RALGAPA2: variants seen among roughly 807,000 people sequenced by gnomAD.
The protein encoded by RALGAPA2 is ral GTPase-activating protein subunit alpha-2.
A neutral mutation model predicts 230.4 loss-of-function variants in RALGAPA2; 139 were observed. The ratio of observed to expected loss-of-function variants is 0.60; its 90% CI spans 0.53 to 0.69. The LOEUF (loss-of-function observed/expected upper bound fraction) is 0.69, where lower values mean the gene tolerates loss of function less well. RALGAPA2 is among the 30% of genes least tolerant of loss of function. RALGAPA2 has a pLI of 0.00. For missense variants in RALGAPA2, 2,163 were observed against 2,276.0 expected (o/e 0.95, Z 1.01); for synonymous variants, 847 against 837.8 (o/e 1.01, Z -0.19).
intron 4 of RALGAPA2, among the ~76,000 whole-genome samples, chr20:20,653,016 C>T (rs2067457932): frequency 6.6e-6 from 1 of 151,488 alleles, no homozygotes. Flanking sequence ...CATGGTGAAA[C>T]CCCATCTCTA....
intron 23 of RALGAPA2, among the ~76,000 whole-genome samples, chr20:20,560,505 A>C (rs1217835639): frequency 6.6e-6 from 1 of 152,206 alleles, no homozygotes; most frequent in African/African-American, 2.4e-5. Context: ...TATTAAAAAG[A>C]AATCAACAGA....
chr20:20,608,918 T>C (rs1237442823), intron 14 of RALGAPA2, among the ~76,000 whole-genome samples: 4 of 152,148 alleles, frequency 2.6e-5, no homozygotes, highest in South Asian at 4.1e-4. Flanking sequence ...AGCCAGAGAG[T>C]AGCAGAGCTG....
intron 32 of RALGAPA2, among the ~76,000 whole-genome samples, chr20:20,512,242 C>CACACACACACAT (rs1556256088): frequency 6.0e-5 from 7 of 116,466 alleles, no homozygotes; most frequent in African/African-American, 2.3e-4. Context: ...CACACACATA[C>CACACACACACAT]ACACACACAC....
At position 20,398,978 on chromosome 20, in the gene RALGAPA2, G is replaced by T. The variant is rs1027731162; in HGVS notation, c.5618-2244C>A. The stretch of plus-strand genomic sequence containing the variant: ...TAAACAGATACACAGTGTTTCTGTG[G>T]TGTTTCAGGGGAGGGGACAAATTAG... On this transcript the variant is annotated intron_variant, in intron 38 of 39. Transcript: ENST00000202677. The surrounding 1 kb of genome is among the most constrained non-coding windows in gnomAD (Gnocchi z 4.5). Among the ~76,000 whole-genome samples, 1 of 152,182 alleles carries T rather than the reference G, an allele frequency of 6.6e-6. No homozygotes were observed. Among genetic ancestry groups the T allele is most frequent in the Admixed American group, 6.5e-5 (1 of 15,286 alleles).
At chr20:20,666,980 G>A (rs928291448) in intron 3 of RALGAPA2, among the ~76,000 whole-genome samples, 3 of 152,178 alleles carry the variant, frequency 2.0e-5, no homozygotes, top group Non-Finnish European at 4.4e-5. Flanking sequence ...AGAATTGTTT[G>A]TAATCCTATT....
At chr20:20,644,906 A>G (rs1055851193) in intron 4 of RALGAPA2, among the ~76,000 whole-genome samples, 7 of 152,168 alleles carry the variant, frequency 4.6e-5, no homozygotes, top group Admixed American at 1.3e-4. Flanking sequence ...TGGCTGGCAG[A>G]GCCAACAGAT....
At chr20:20,498,974 A>G (rs539025266) in intron 35 of RALGAPA2, among the ~76,000 whole-genome samples, 49 of 152,350 alleles carry the variant, frequency 3.2e-4, no homozygotes, top group African/African-American at 1.1e-3. Context: ...TGAAGGATCA[A>G]GAGTTCAGTA....
intron 37 of RALGAPA2, among the ~76,000 whole-genome samples, chr20:20,445,621 G>C (rs546345798): frequency 6.6e-6 from 1 of 152,290 alleles, no homozygotes; most frequent in African/African-American, 2.4e-5. Context: ...TCCATGGCTG[G>C]GGATGGGTAA....
intron 38 of RALGAPA2, among the ~76,000 whole-genome samples, chr20:20,407,781 C>T (rs1481289223): frequency 2.6e-5 from 4 of 152,192 alleles, no homozygotes; most frequent in African/African-American, 9.7e-5. Flanking sequence ...GCAATAATAA[C>T]CCTTTCCACG....
intron 1 of RALGAPA2, among the ~76,000 whole-genome samples, chr20:20,705,525 C>A (rs1418099178): frequency 6.6e-6 from 1 of 152,032 alleles, no homozygotes; most frequent in Admixed American, 6.6e-5. Context: ...AATTCAAGTA[C>A]AAGAATAGTT....
In RALGAPA2 at chr20:20,437,241, CT is replaced by C. The variant is rs367629598; in HGVS notation, c.5496-25094del. 7.2e-5 allele frequency among the ~76,000 whole-genome samples: 11 copies of C among 152,212 alleles called. No individual in the cohort carries two copies. The highest frequency in any genetic ancestry group is 2.7e-4 in the African/African-American group (11 of 41,450). On this transcript the variant is annotated intron_variant, in intron 37 of 39. Transcript: ENST00000202677. The surrounding 1 kb of genome is among the most constrained non-coding windows in gnomAD (Gnocchi z 4.1). ...CCACTCTGAACGTCCTGAAGACCGCCTGGTCACTGAGGCACACATGACTCTG... is the reference window on the plus strand; with the variant it reads ...CCACTCTGAACGTCCTGAAGACCGCCGGTCACTGAGGCACACATGACTCTG...
intron 36 of RALGAPA2, among the ~76,000 whole-genome samples, chr20:20,473,270 T>C (rs2061578730): frequency 6.6e-6 from 1 of 152,256 alleles, no homozygotes; most frequent in Non-Finnish European, 1.5e-5. Context: ...ATGTGAATTA[T>C]GCATGATACA....
chr20:20,686,211 C>A (rs2146875330), intron 1 of RALGAPA2, among the ~76,000 whole-genome samples: 1 of 152,262 alleles, frequency 6.6e-6, no homozygotes, highest in East Asian at 1.9e-4. Flanking sequence ...GGACCTTGGA[C>A]AAGTTATTTA....
chr20:20,449,461 C>A (rs940113937), intron 37 of RALGAPA2, among the ~76,000 whole-genome samples: 1 of 152,204 alleles, frequency 6.6e-6, no homozygotes, highest in Non-Finnish European at 1.5e-5. Flanking sequence ...GAATAAGACA[C>A]TCAAGTTTCC....
At chr20:20,663,470 G>GT (rs777824233) in intron 3 of RALGAPA2, among the ~76,000 whole-genome samples, 1 of 152,094 alleles carries the variant, frequency 6.6e-6, no homozygotes, top group African/African-American at 2.4e-5. Context: ...TCAGCATATA[G>GT]TTTTTTTCTT....
At chr20:20,560,987 A>C (rs1229234541) in intron 23 of RALGAPA2, among the ~76,000 whole-genome samples, 1 of 152,238 alleles carries the variant, frequency 6.6e-6, no homozygotes, top group Non-Finnish European at 1.5e-5. Context: ...CACAAGCCAA[A>C]CAGGCTATGT....
intron 1 of RALGAPA2, among the ~76,000 whole-genome samples, chr20:20,688,337 T>C (rs985662119): frequency 4.0e-5 from 6 of 151,388 alleles, no homozygotes; most frequent in Non-Finnish European, 8.8e-5. Flanking sequence ...TATCCTGGAC[T>C]GATTATTTGC....
At chr20:20,672,485 C>T (rs2068169918) in intron 3 of RALGAPA2, among the ~76,000 whole-genome samples, 1 of 151,910 alleles carries the variant, frequency 6.6e-6, no homozygotes, top group South Asian at 2.1e-4. Context: ...CATAAGAATG[C>T]CAAACCAAAA....
At chr20:20,669,173 T>C (rs910709880) in intron 3 of RALGAPA2, among the ~76,000 whole-genome samples, 5 of 152,230 alleles carry the variant, frequency 3.3e-5, no homozygotes, top group Admixed American at 1.3e-4. Flanking sequence ...TGTATTTTAA[T>C]TGGAGTGTGG....
Sources: allele counts gnomAD v4.1 joint callset (sites outside exome capture counted in the v4.1 genomes callset), GRCh38; gene constraint gnomAD v4.1.1; non-coding constraint Gnocchi (gnomAD v3.1); transcripts MANE v1.5; gene names NCBI Gene and HGNC (gene_info 2026-07-23, HGNC 2026-07-21).